PLCE1: variants seen among roughly 807,000 people sequenced by gnomAD.
The protein encoded by PLCE1 is phospholipase C epsilon 1, also known as 1-phosphatidylinositol 4,5-bisphosphate phosphodiesterase epsilon-1.
Under a neutral mutation model 242.8 loss-of-function variants are expected in PLCE1, and 119 were observed. That is an observed-to-expected ratio of 0.49 (90% confidence interval 0.42 to 0.57). The LOEUF is 0.57. Among genes scored for constraint, PLCE1 ranks in the 20% least tolerant of loss-of-function variants. The pLI is 0.00. For synonymous variants in PLCE1, 945 were observed against 1,017.4 expected, an observed-to-expected ratio of 0.93 and a Z score of 1.35; for missense variants, 2,441 against 2,788.8, an observed-to-expected ratio of 0.88 and a Z score of 2.81.
chr10:94,166,451 T>C (rs528633898), intron 3 of PLCE1, among the ~76,000 whole-genome samples: 1 of 152,288 alleles, frequency 6.6e-6, no homozygotes, highest in South Asian at 2.1e-4. Context: ...TTTGATAAGA[T>C]ATAATTTAAA....
At chr10:94,245,391 A>G (rs1350641798) in intron 7 of PLCE1, among the ~76,000 whole-genome samples, 1 of 152,260 alleles carries the variant, frequency 6.6e-6, no homozygotes, top group Non-Finnish European at 1.5e-5. Context: ...GTTGAGAATA[A>G]AAATACAATA....
intron 4 of PLCE1, among the ~76,000 whole-genome samples, chr10:94,212,957 A>G (rs2049392329): frequency 6.6e-6 from 1 of 152,264 alleles, no homozygotes; most frequent in Admixed American, 6.5e-5. Flanking sequence ...CATATGAATA[A>G]GCAGGCCAGT....
intron 26 of PLCE1, among the ~76,000 whole-genome samples, chr10:94,307,158 A>G (rs1279850814): frequency 6.6e-6 from 1 of 152,096 alleles, no homozygotes; most frequent in African/African-American, 2.4e-5. Flanking sequence ...GGCTAGAGCT[A>G]TTTGCTTGTA....
At chr10:94,072,444 G>GT (rs1198844217) in intron 2 of PLCE1, among the ~76,000 whole-genome samples, 3 of 151,672 alleles carry the variant, frequency 2.0e-5, no homozygotes, top group Admixed American at 6.6e-5. Flanking sequence ...GCCTGGCTAA[G>GT]TTTTTTGTAT....
chr10:94,265,429 TTAAA>T (rs765883212), intron 14 of PLCE1, among the ~76,000 whole-genome samples: 2 of 152,208 alleles, frequency 1.3e-5, no homozygotes, highest in Non-Finnish European at 2.9e-5. Flanking sequence ...CTTTTTTCTA[TTAAA>T]TAAATATGCT....
At chr10:94,265,140 T>A (rs1437343771) in intron 14 of PLCE1, among the ~76,000 whole-genome samples, 2 of 152,196 alleles carry the variant, frequency 1.3e-5, no homozygotes, top group African/African-American at 4.8e-5. Flanking sequence ...TGAGTCTAGG[T>A]TTCAACCTCC....
intron 4 of PLCE1, among the ~76,000 whole-genome samples, chr10:94,198,392 G>C (rs1225549003): frequency 2.0e-5 from 3 of 152,140 alleles, no homozygotes; most frequent in Non-Finnish European, 4.4e-5. Context: ...TAGCTTCTTT[G>C]AACCTTTCTT....
At chr10:94,055,282 C>G (rs1245357097) in intron 2 of PLCE1, among the ~76,000 whole-genome samples, 1 of 150,318 alleles carries the variant, frequency 6.7e-6, no homozygotes, top group Non-Finnish European at 1.5e-5. Flanking sequence ...AGAACATTGC[C>G]TAAGTTGTAA....
At chr10:94,273,888 T>G (rs1425169738) in intron 19 of PLCE1, among the ~76,000 whole-genome samples, 168 bp downstream of exon 19, 1 of 152,224 alleles carries the variant, frequency 6.6e-6, no homozygotes, top group Non-Finnish European at 1.5e-5. Context: ...GACCAATAAA[T>G]TCTCTCATCT....
intron 5 of PLCE1, among the ~76,000 whole-genome samples, chr10:94,231,655 T>C (rs1214912882): frequency 6.6e-6 from 1 of 151,348 alleles, no homozygotes; most frequent in Non-Finnish European, 1.5e-5. Flanking sequence ...CAGAGACCAG[T>C]TTCATGGAAG....
Position 94,298,733 on chromosome 10 carries a change from A to G in PLCE1, c.5458+64A>G. 2 of 1,568,888 alleles carry G rather than the reference A, an allele frequency of 1.3e-6. No individual in the cohort carries two copies. Among genetic ancestry groups the G allele is most frequent in the Admixed American group, 3.3e-5 (2 of 59,974 alleles). On this transcript the variant is annotated intron_variant, in intron 24 of 32. Transcript: ENST00000371380. The surrounding 1 kb of genome is among the most constrained non-coding windows in gnomAD (Gnocchi z 5.2). Reference sequence around the variant, plus strand: ...TACATTTCAGTAAATGCAGTTTGACAGCATTTTTTCAAAGGGGCAAGATTC... The same window carrying G: ...TACATTTCAGTAAATGCAGTTTGACGGCATTTTTTCAAAGGGGCAAGATTC...
Position 94,305,859 on chromosome 10 carries a change from G to C in PLCE1, c.5623-568G>C, listed in dbSNP as rs1213630237. On this transcript the variant is annotated intron_variant, in intron 25 of 32. Transcript: ENST00000371380. Reference sequence around the variant, plus strand: ...GAGAAATTTAACTTCATCTTGTTTGGTTTTTGAAGATATTTGAACATTTTG... The same window carrying C: ...GAGAAATTTAACTTCATCTTGTTTGCTTTTTGAAGATATTTGAACATTTTG... Among the ~76,000 whole-genome samples, 4 of 152,226 alleles carry C rather than the reference G, an allele frequency of 2.6e-5. No individual in the cohort carries two copies. The East Asian group carries it at 5.8e-4, about 22-fold the overall frequency.
intron 11 of PLCE1, among the ~76,000 whole-genome samples, chr10:94,257,038 C>A (rs2132916521): frequency 6.6e-6 from 1 of 152,284 alleles, no homozygotes; most frequent in Non-Finnish European, 1.5e-5. Flanking sequence ...TCTTCCTGCA[C>A]CTCTACCCTA....
rs949799782 is a variant in PLCE1, at chr10:94,000,531, A to G, written c.-365+6273A>G. ...AAATATTAGCTTCTTTGATAATTTT[A>G]TAGTTGTTAGAACTGTACATGGGCT... On this transcript the variant is annotated intron_variant, in intron 1 of 32. Transcript: ENST00000371380. Among the ~76,000 whole-genome samples, 4 of 152,258 alleles carry G rather than the reference A, an allele frequency of 2.6e-5. No individual in the cohort carries two copies. The East Asian group carries it at 7.7e-4, about 29-fold the overall frequency.
At position 94,132,202 on chromosome 10, in the gene PLCE1, C is replaced by A. The variant is rs757784218; in HGVS notation, c.1235C>A (p.Thr412Lys). Residue 412 changes from threonine (T) to lysine (K), a missense_variant, in exon 3 of 33, where the codon ACA becomes AAA. Physicochemically the swap from Thr to Lys is moderately conservative, Grantham distance 78. Coordinates refer to ENST00000371380, the MANE Select transcript of PLCE1 (RefSeq NM_016341.4). Reference sequence around the variant, plus strand: ...TACAATGCAGTGAGAAGAGAAGAAACAGAAAATACAGTTGGATCTCTACTC... The same window carrying A: ...TACAATGCAGTGAGAAGAGAAGAAAAAGAAAATACAGTTGGATCTCTACTC... ...PIYNAVRREE[T>K]ENTVGSLLHF... The A allele has an allele frequency of 1.9e-6, 3 of 1,614,060 alleles. No homozygotes were observed. The African/African-American group carries it at 4.0e-5, about 22-fold the overall frequency.
At chr10:94,243,889 A>G (rs960169746) in intron 7 of PLCE1, among the ~76,000 whole-genome samples, 2 of 152,250 alleles carry the variant, frequency 1.3e-5, no homozygotes, top group African/African-American at 4.8e-5. Flanking sequence ...AATACATACC[A>G]TATGCATTCT....
chr10:94,112,000 A>G lies in PLCE1; in HGVS notation c.1207-20174A>G, dbSNP rs1049757055. On this transcript the variant is annotated intron_variant, in intron 2 of 32. Coordinates refer to ENST00000371380, the MANE Select transcript of PLCE1 (RefSeq NM_016341.4). ...CATGAAATTTTTCCTATGGGAAAAT[A>G]CATCTTGCTTTATGACAATCTACTT... 3.9e-5 allele frequency among the ~76,000 whole-genome samples: 6 copies of G among 152,296 alleles called. No homozygotes were observed. In the East Asian group the frequency reaches 9.7e-4, roughly 25 times the overall value.
chr10:94,195,443 A>G (rs929017020), intron 4 of PLCE1, among the ~76,000 whole-genome samples: 8 of 152,168 alleles, frequency 5.3e-5, no homozygotes, highest in Non-Finnish European at 1.2e-4. Context: ...AGACATGAGA[A>G]ATGAAATAGA....
chr10:94,220,376 TTATATATA>T (rs59633337), intron 4 of PLCE1, among the ~76,000 whole-genome samples: 5,217 of 61,764 alleles, frequency 0.084, 259 homozygotes, highest in Middle Eastern at 0.12. Context: ...ACTAAACATT[TTATATATA>T]TATATATATA....
Sources: gnomAD v4.1 joint callset for allele counts (sites outside exome capture counted in the v4.1 genomes callset) on GRCh38, gnomAD v4.1.1 for gene constraint, Gnocchi (gnomAD v3.1) non-coding constraint, MANE v1.5 for transcripts, NCBI Gene and HGNC (gene_info 2026-07-23, HGNC 2026-07-21) for gene names.